The following HDAC9 variants were observed in gnomAD, a reference collection of about 807,000 sequenced individuals.
The protein encoded by HDAC9 is MEF-2 interacting transcription repressor (MITR) protein.
In HDAC9, 41 loss-of-function variants were observed where a neutral mutation model predicts 139.4. The ratio of observed to expected loss-of-function variants is 0.29; its 90% CI spans 0.23 to 0.38. The LOEUF (loss-of-function observed/expected upper bound fraction) is 0.38, where lower values mean the gene tolerates loss of function less well. HDAC9 is among the 10% of genes least tolerant of loss of function. HDAC9 has a pLI of 1.00. For synonymous variants in HDAC9, 517 were observed against 476.2 expected (o/e 1.09, Z -1.12); for missense variants, 1,147 against 1,297.0 (o/e 0.88, Z 1.78).
At chr7:18,439,681 T>C (rs1791563742) in intron 1 of HDAC9, among the ~76,000 whole-genome samples, 2 of 152,216 alleles carry the variant, frequency 1.3e-5, no homozygotes, top group Non-Finnish European at 1.5e-5. Flanking sequence ...GGTTTGAAAC[T>C]GGCATTTTAA....
intron 2 of HDAC9, among the ~76,000 whole-genome samples, chr7:18,498,511 A>G (rs1797534219): frequency 6.6e-6 from 1 of 152,088 alleles, no homozygotes; most frequent in South Asian, 2.1e-4. Context: ...CTAACTGCTA[A>G]ATTAGGGGTA....
At chr7:18,205,590 C>G (rs1288942860) in intron 2 of HDAC9, among the ~76,000 whole-genome samples, 1 of 152,020 alleles carries the variant, frequency 6.6e-6, no homozygotes, top group Non-Finnish European at 1.5e-5. Context: ...TTTTCTAGTT[C>G]TAATGAAAGT....
chr7:18,870,251 G>T (rs190515182), intron 21 of HDAC9, among the ~76,000 whole-genome samples: 117 of 152,198 alleles, frequency 7.7e-4, no homozygotes, highest in African/African-American at 2.7e-3. Flanking sequence ...ATCCAATCCA[G>T]CATACTGCAT....
At chr7:18,330,307 C>T (rs963035443) in intron 1 of HDAC9, among the ~76,000 whole-genome samples, 11 of 151,136 alleles carry the variant, frequency 7.3e-5, no homozygotes, top group Non-Finnish European at 1.2e-4. Flanking sequence ...AGATATTTGC[C>T]GGAAATCTGA....
chr7:18,353,749 A>C (rs1158508442), intron 1 of HDAC9, among the ~76,000 whole-genome samples: 2 of 152,216 alleles, frequency 1.3e-5, no homozygotes, highest in Non-Finnish European at 2.9e-5. Flanking sequence ...CTGCCTAAGC[A>C]GACTTTGCAC....
At chr7:18,758,319 A>G (rs1789063854) in intron 14 of HDAC9, among the ~76,000 whole-genome samples, 1 of 152,172 alleles carries the variant, frequency 6.6e-6, no homozygotes, top group East Asian at 1.9e-4. Context: ...CGGACCAAGT[A>G]TCTCTGAGAA....
At chr7:18,865,720 C>G (rs1798442017) in intron 21 of HDAC9, among the ~76,000 whole-genome samples, 1 of 152,098 alleles carries the variant, frequency 6.6e-6, no homozygotes, top group African/African-American at 2.4e-5. Context: ...TTGGGAGCCT[C>G]TTTTCCTTGT....
chr7:18,925,251 C>G (rs1254416268), intron 22 of HDAC9, among the ~76,000 whole-genome samples: 1 of 152,120 alleles, frequency 6.6e-6, no homozygotes, highest in African/African-American at 2.4e-5. Flanking sequence ...GCACTAAAGT[C>G]AACTGACCCA....
At chr7:18,329,383 C>T (rs2128645267) in intron 1 of HDAC9, among the ~76,000 whole-genome samples, 1 of 151,794 alleles carries the variant, frequency 6.6e-6, no homozygotes, top group East Asian at 1.9e-4. Context: ...CATCTTTCTA[C>T]AATGTATAAC....
chr7:18,830,538 C>G (rs933173725), intron 19 of HDAC9, among the ~76,000 whole-genome samples: 5 of 152,172 alleles, frequency 3.3e-5, no homozygotes, highest in African/African-American at 1.2e-4. Context: ...CGGCCTCGCC[C>G]TCCAGCCTTC....
chr7:18,107,051 TAAATA>T (rs758823225), intron 1 of HDAC9, among the ~76,000 whole-genome samples: 2 of 152,212 alleles, frequency 1.3e-5, no homozygotes, highest in Non-Finnish European at 2.9e-5. Flanking sequence ...TTTTAAACTT[TAAATA>T]AAATGTAGTG....
At chr7:18,914,818 T>C (rs1232669160) in intron 22 of HDAC9, among the ~76,000 whole-genome samples, 1 of 152,018 alleles carries the variant, frequency 6.6e-6, no homozygotes, top group Non-Finnish European at 1.5e-5. Context: ...GTTAAAGATA[T>C]AGCAGAAAAA....
chr7:18,368,673 A>T (rs1005088881), intron 1 of HDAC9, among the ~76,000 whole-genome samples: 2 of 152,050 alleles, frequency 1.3e-5, no homozygotes, highest in Non-Finnish European at 2.9e-5. Context: ...CCTTTCCATT[A>T]TCTAAGCTTT....
In HDAC9 at chr7:18,954,133, A is replaced by T; in HGVS notation, c.2938-13A>T. On this transcript the variant is annotated splice_polypyrimidine_tract_variant and intron_variant, in intron 23 of 25. Coordinates refer to ENST00000686413, the MANE Select transcript of HDAC9 (RefSeq NM_178425.4). ...TAATATTCTGCTCATACTATTATCT[A>T]CTATTCTTGCAGCTGGAGCCACTTG... is the stretch of plus-strand genomic sequence containing the variant. 3 of 1,527,012 alleles carry T rather than the reference A, an allele frequency of 2.0e-6. No individual in the cohort carries two copies. Among genetic ancestry groups the T allele is most frequent in the Non-Finnish European group, 8.9e-7 (1 of 1,120,236 alleles). 94.6% of individuals were successfully genotyped at this position (1,527,012 alleles called of 1,614,324 possible). A position where few individuals can be genotyped will look rare whatever the true frequency, so the allele number is the denominator to read the frequency against.
chr7:18,162,244 AC>A, exon 2 of HDAC9: 2 of 1,294,322 alleles, frequency 1.5e-6, no homozygotes, highest in Non-Finnish European at 2.2e-6. Flanking sequence ...TCCTCTGCCA[AC>A]CCCTCCTGGA....
intron 6 of HDAC9, among the ~76,000 whole-genome samples, chr7:18,602,271 C>T (rs1369465459): frequency 1.3e-5 from 2 of 151,984 alleles, no homozygotes; most frequent in Non-Finnish European, 2.9e-5. Context: ...TATTATCCTT[C>T]TAACATCCAC....
rs889525718 is a variant in HDAC9, at chr7:18,772,271, G to A, written c.2214+5116G>A. 3.3e-5 allele frequency among the ~76,000 whole-genome samples: 5 copies of A among 152,026 alleles called. 1 individual carries two copies. The highest frequency in any genetic ancestry group is 2.1e-4 in the South Asian group (1 of 4,824). ...GACTGTTCAGGCAATAGAACACACC[G>A]TATTTCTGACAATTGCACCAAGCTG... On this transcript the variant is annotated intron_variant, in intron 16 of 25. Transcript: ENST00000686413.
At chr7:18,832,709 G>C (rs16872130) in intron 19 of HDAC9, among the ~76,000 whole-genome samples, 1,669 of 150,102 alleles carry the variant, frequency 0.011, 12 homozygotes, top group Non-Finnish European at 0.014. Flanking sequence ...TTTACAGCAA[G>C]GAAAACAAAC....
intron 13 of HDAC9, among the ~76,000 whole-genome samples, chr7:18,736,034 TTGTC>T (rs1304045661): frequency 1.3e-5 from 2 of 152,176 alleles, no homozygotes; most frequent in South Asian, 2.1e-4. Flanking sequence ...GACTCTCTGT[TTGTC>T]TGTTATTGGT....
Sources: allele counts gnomAD v4.1 joint callset (sites outside exome capture counted in the v4.1 genomes callset), GRCh38; gene constraint gnomAD v4.1.1; transcripts MANE v1.5; gene names NCBI Gene and HGNC (gene_info 2026-07-23, HGNC 2026-07-21).